The following GPC6 variants were observed in gnomAD, a reference collection of about 807,000 sequenced individuals.
The protein encoded by GPC6 is glypican-6.
In GPC6, 14 loss-of-function variants were observed where a neutral mutation model predicts 55.2. That is an observed-to-expected ratio of 0.25 (90% CI 0.17 to 0.40). The LOEUF is 0.40. Among genes scored for constraint, GPC6 ranks in the 10% least tolerant of loss-of-function variants. GPC6 has a pLI of 1.00. For synonymous variants in GPC6, 278 were observed against 259.6 expected (o/e 1.07, Z -0.68); for missense variants, 641 against 708.5 (o/e 0.90, Z 1.08).
intron 1 of GPC6, among the ~76,000 whole-genome samples, chr13:93,285,638 G>GTGTGTATGGTGTGTA (rs1555287705): frequency 6.6e-6 from 1 of 150,672 alleles, no homozygotes; most frequent in African/African-American, 2.5e-5. Flanking sequence ...GTGTGTGTGT[G>GTGTGTATGGTGTGTA]TGTGTGTGTG....
chr13:94,144,547 A>ATGTATGTGTG, intron 4 of GPC6, among the ~76,000 whole-genome samples: 1 of 148,436 alleles, frequency 6.7e-6, no homozygotes, highest in South Asian at 2.2e-4. Flanking sequence ...GTGTGTGTGT[A>ATGTATGTGTG]TGTGTGTGTG....
intron 1 of GPC6, among the ~76,000 whole-genome samples, chr13:93,245,459 G>A (rs1303884577): frequency 6.6e-6 from 1 of 152,122 alleles, no homozygotes; most frequent in Non-Finnish European, 1.5e-5. Context: ...ACTTTACTAT[G>A]CACCAGAATC....
chr13:94,193,355 A>G (rs1045897610), intron 4 of GPC6, among the ~76,000 whole-genome samples: 1 of 152,082 alleles, frequency 6.6e-6, no homozygotes, highest in Non-Finnish European at 1.5e-5. Flanking sequence ...TTCCTTTGCA[A>G]GCTGGTGAGG....
At chr13:93,947,109 C>G (rs1879043189) in intron 3 of GPC6, among the ~76,000 whole-genome samples, 1 of 152,112 alleles carries the variant, frequency 6.6e-6, no homozygotes, top group East Asian at 1.9e-4. Context: ...AATTTTTGGC[C>G]TTCGAGAGGT....
At chr13:93,988,975 T>C (rs1594645908) in intron 3 of GPC6, among the ~76,000 whole-genome samples, 1 of 152,178 alleles carries the variant, frequency 6.6e-6, no homozygotes, top group East Asian at 1.9e-4. Context: ...AGATCAATAA[T>C]ACATGTATTA....
intron 1 of GPC6, among the ~76,000 whole-genome samples, chr13:93,499,569 G>A (rs1341709820): frequency 6.6e-6 from 1 of 152,140 alleles, no homozygotes; most frequent in African/African-American, 2.4e-5. Context: ...GCAATGGCAT[G>A]GATTATACTG....
chr13:94,347,716 G>C lies in GPC6; in HGVS notation c.1153-34698G>C, dbSNP rs569469165. On this transcript the variant is annotated intron_variant, in intron 6 of 8. Coordinates refer to ENST00000377047, the MANE Select transcript of GPC6 (RefSeq NM_005708.5). ...TGATTTATTCAAAAGTGATGAAAAG[G>C]TACCTTGTTATCAAACATAAATGTA... 5.3e-5 allele frequency among the ~76,000 whole-genome samples: 8 copies of C among 152,284 alleles called. No homozygotes were observed. In the South Asian group the frequency reaches 1.7e-3, roughly 32 times the overall value.
chr13:94,203,921 C>T (rs1320369730), intron 4 of GPC6, among the ~76,000 whole-genome samples: 1 of 152,032 alleles, frequency 6.6e-6, no homozygotes, highest in East Asian at 1.9e-4. Flanking sequence ...TTTTCTGTCA[C>T]TGGTGTATCT....
chr13:93,968,956 A>G (rs1001600249), intron 3 of GPC6, among the ~76,000 whole-genome samples: 2 of 152,202 alleles, frequency 1.3e-5, no homozygotes, highest in Non-Finnish European at 2.9e-5. Flanking sequence ...AGTTTTCCCC[A>G]GTCTCTCAAT....
intron 1 of GPC6, among the ~76,000 whole-genome samples, chr13:93,239,939 T>C (rs535908483): frequency 6.5e-4 from 99 of 152,234 alleles, no homozygotes; most frequent in African/African-American, 2.3e-3. Flanking sequence ...TTGTATAGTT[T>C]TGGGAATCCC....
At chr13:93,637,238 G>A (rs1228137248) in intron 2 of GPC6, among the ~76,000 whole-genome samples, 1 of 152,084 alleles carries the variant, frequency 6.6e-6, no homozygotes, top group Non-Finnish European at 1.5e-5. Context: ...TCGCTTTAAG[G>A]GTGCAGTAAA....
chr13:94,342,689 G>A (rs1878101646), intron 6 of GPC6, among the ~76,000 whole-genome samples: 1 of 152,154 alleles, frequency 6.6e-6, no homozygotes, highest in African/African-American at 2.4e-5. Flanking sequence ...ATCCCACGGG[G>A]AAATTCTTTC....
intron 4 of GPC6, among the ~76,000 whole-genome samples, chr13:94,074,796 GT>G (rs1400100632): frequency 6.6e-6 from 1 of 152,154 alleles, no homozygotes; most frequent in Non-Finnish European, 1.5e-5. Flanking sequence ...TGAAACAAAA[GT>G]TTTATCTCCT....
At chr13:93,363,314 G>C (rs543630929) in intron 1 of GPC6, among the ~76,000 whole-genome samples, 2 of 148,898 alleles carry the variant, frequency 1.3e-5, no homozygotes, top group Admixed American at 6.7e-5. Context: ...TCCCCAGAGT[G>C]TGATGTTCCC....
intron 1 of GPC6, among the ~76,000 whole-genome samples, chr13:93,231,430 T>G (rs386508576): frequency 0.27 from 33,321 of 124,928 alleles, 4,976 homozygotes; most frequent in Admixed American, 0.33. Context: ...TATACGTATA[T>G]ATATATATAT....
intron 1 of GPC6, among the ~76,000 whole-genome samples, chr13:93,294,598 A>G (rs1416830226): frequency 6.6e-6 from 1 of 152,140 alleles, no homozygotes; most frequent in Admixed American, 6.5e-5. Flanking sequence ...GAAAACAAAG[A>G]GGCATTGCCT....
At chr13:93,494,571 G>A (rs917529833) in intron 1 of GPC6, among the ~76,000 whole-genome samples, 3 of 152,164 alleles carry the variant, frequency 2.0e-5, no homozygotes, top group African/African-American at 7.2e-5. Context: ...TCATTATGAT[G>A]TTAGCTGGTG....
chr13:94,286,748 CTA>C (rs1892542734), intron 5 of GPC6, among the ~76,000 whole-genome samples: 1 of 152,220 alleles, frequency 6.6e-6, no homozygotes, highest in African/African-American at 2.4e-5. Flanking sequence ...AGTATGTTGA[CTA>C]ATCCCTCACA....
chr13:94,301,905 A>T (rs1875671900), intron 5 of GPC6, among the ~76,000 whole-genome samples: 2 of 151,970 alleles, frequency 1.3e-5, no homozygotes, highest in African/African-American at 4.8e-5. Context: ...TTTTTCCCTT[A>T]TTCAAAATGT....
Sources: allele counts gnomAD v4.1 joint callset (sites outside exome capture counted in the v4.1 genomes callset), GRCh38; gene constraint gnomAD v4.1.1; transcripts MANE v1.5; gene names NCBI Gene and HGNC (gene_info 2026-07-23, HGNC 2026-07-21).